CAST: variants seen among roughly 807,000 people sequenced by gnomAD.
CAST encodes MIR583 host.
A neutral mutation model predicts 119.6 loss-of-function variants in CAST; 76 were observed. That is an observed-to-expected ratio of 0.64 (90% CI 0.53 to 0.77). The LOEUF is 0.77. CAST is among the 30% of genes least tolerant of loss of function. The probability of loss-of-function intolerance (pLI) is 0.00; values close to 1 mark genes in which losing one functional copy is unlikely to be tolerated. For synonymous variants in CAST, 319 were observed against 331.6 expected, an observed-to-expected ratio of 0.96 and a Z score of 0.41; for missense variants, 953 against 946.5, an observed-to-expected ratio of 1.01 and a Z score of -0.09.
At chr5:96,711,920 A>T (rs1756244896) in intron 3 of CAST, among the ~76,000 whole-genome samples, 1 of 152,210 alleles carries the variant, frequency 6.6e-6, no homozygotes, top group South Asian at 2.1e-4. Flanking sequence ...TGGACATTTG[A>T]TATGGGCAGT....
the CAST span, chr5:96,392,905 TAA>T: frequency 8.1e-7 from 1 of 1,229,446 alleles, no homozygotes; most frequent in Admixed American, 1.7e-5. Context: ...ATTATAAGCA[TAA>T]GAATTCATGA....
the CAST span, among the ~76,000 whole-genome samples, chr5:96,337,972 A>G: frequency 6.6e-6 from 1 of 151,108 alleles, no homozygotes; most frequent in South Asian, 2.1e-4. Flanking sequence ...AAAACTTTTA[A>G]TTTTTTTTTT....
chr5:96,335,403 A>C, the CAST span, among the ~76,000 whole-genome samples: 5 of 152,222 alleles, frequency 3.3e-5, no homozygotes, highest in Non-Finnish European at 7.4e-5. Context: ...GCTTGTGTGC[A>C]CCACTCACTC....
At chr5:96,054,042 G>T in the CAST span, among the ~76,000 whole-genome samples, 4 of 152,210 alleles carry the variant, frequency 2.6e-5, no homozygotes, top group Non-Finnish European at 4.4e-5. Flanking sequence ...TTTCTTGGTG[G>T]TGTGGGCAGC....
At chr5:96,104,078 G>C in the CAST span, among the ~76,000 whole-genome samples, 3 of 152,088 alleles carry the variant, frequency 2.0e-5, no homozygotes, top group African/African-American at 7.2e-5. Context: ...TTTTGATGGG[G>C]TTGTTTGTTT....
the CAST span, among the ~76,000 whole-genome samples, chr5:96,265,666 A>G: frequency 2.0e-5 from 3 of 152,198 alleles, no homozygotes; most frequent in African/African-American, 7.2e-5. Flanking sequence ...ACACTCTCAC[A>G]GACACACCCA....
At chr5:96,337,837 T>C in the CAST span, among the ~76,000 whole-genome samples, 1 of 152,262 alleles carries the variant, frequency 6.6e-6, no homozygotes, top group East Asian at 1.9e-4. Context: ...ATTAGTTTAC[T>C]GTCTGTCTTT....
the CAST span, among the ~76,000 whole-genome samples, chr5:96,065,401 C>CTGTGTGTG: frequency 6.7e-6 from 1 of 149,280 alleles, no homozygotes. Context: ...GGTTAATGAT[C>CTGTGTGTG]TGTGTGTGTG....
chr5:96,338,798 C>T, the CAST span, among the ~76,000 whole-genome samples: 1 of 152,158 alleles, frequency 6.6e-6, no homozygotes, highest in Admixed American at 6.6e-5. Context: ...GTTGTTTGTG[C>T]TCTAGAGACT....
At chr5:96,487,046 C>T in the CAST span, among the ~76,000 whole-genome samples, 1 of 152,214 alleles carries the variant, frequency 6.6e-6, no homozygotes, top group Non-Finnish European at 1.5e-5. Context: ...CCCCATGGGG[C>T]AGTGAAGAGT....
chr5:96,034,083 C>T, the CAST span, among the ~76,000 whole-genome samples: 3 of 152,022 alleles, frequency 2.0e-5, no homozygotes, highest in Non-Finnish European at 4.4e-5. Flanking sequence ...CCAGCCTGGA[C>T]AACACAGTGA....
At chr5:96,240,977 T>C in the CAST span, among the ~76,000 whole-genome samples, 1 of 152,158 alleles carries the variant, frequency 6.6e-6, no homozygotes, top group African/African-American at 2.4e-5. Context: ...TATGTACTAA[T>C]ATCAGAATGT....
the CAST span, among the ~76,000 whole-genome samples, chr5:96,013,643 A>T: frequency 2.0e-5 from 3 of 152,152 alleles, no homozygotes; most frequent in Non-Finnish European, 4.4e-5. Flanking sequence ...ACAAACCTAG[A>T]TAGTACAGCC....
the CAST span, among the ~76,000 whole-genome samples, chr5:96,337,418 T>C: frequency 2.0e-5 from 3 of 152,250 alleles, no homozygotes; most frequent in Non-Finnish European, 2.9e-5. Flanking sequence ...TTTATTATGG[T>C]ACTATGTCAA....
At chr5:96,576,428 TC>T (rs927474457) in intron 1 of CAST, among the ~76,000 whole-genome samples, 2 of 152,078 alleles carry the variant, frequency 1.3e-5, no homozygotes, top group African/African-American at 4.8e-5. Context: ...CACTGCAATC[TC>T]CTCCTTGGGG....
the CAST span, among the ~76,000 whole-genome samples, chr5:96,166,661 C>A: frequency 6.6e-6 from 1 of 152,064 alleles, no homozygotes; most frequent in Admixed American, 6.5e-5. Flanking sequence ...AATGAATATA[C>A]AAATCTAGAT....
chr5:96,573,904 TATA>T (rs768841041), intron 1 of CAST, among the ~76,000 whole-genome samples: 7 of 152,226 alleles, frequency 4.6e-5, no homozygotes, highest in South Asian at 2.1e-4. Flanking sequence ...TTTTGATTAT[TATA>T]ATGTTTTTGA....
intron 1 of CAST, among the ~76,000 whole-genome samples, chr5:96,572,205 A>ATTTT (rs10654861): frequency 4.7e-5 from 7 of 147,630 alleles, no homozygotes; most frequent in African/African-American, 1.7e-4. Context: ...AATTTGTGCT[A>ATTTT]TTTTTTTTTT....
intron 1 of CAST, among the ~76,000 whole-genome samples, chr5:96,644,874 G>A (rs1461079794): frequency 1.3e-5 from 2 of 152,188 alleles, no homozygotes; most frequent in Non-Finnish European, 2.9e-5. Flanking sequence ...TACTCAGGAG[G>A]CTGAGGCAGG....
Sources: gnomAD v4.1 joint callset for allele counts (sites outside exome capture counted in the v4.1 genomes callset) on GRCh38, gnomAD v4.1.1 for gene constraint, MANE v1.5 for transcripts, NCBI Gene and HGNC (gene_info 2026-07-23, HGNC 2026-07-21) for gene names.